The following RPS6KA2 variants were observed in gnomAD, a reference collection of about 807,000 sequenced individuals.
RPS6KA2 encodes ribosomal protein S6 kinase A2.
Under a neutral mutation model 91.8 loss-of-function variants are expected in RPS6KA2, and 42 were observed. The observed-to-expected ratio is 0.46, with a 90% CI of 0.36 to 0.59. The LOEUF (loss-of-function observed/expected upper bound fraction) is 0.59. Ranked by LOEUF, RPS6KA2 falls within the 20% of genes least tolerant of loss-of-function variation. RPS6KA2 has a pLI of 0.00. For missense variants in RPS6KA2, 798 were observed against 978.5 expected, an observed-to-expected ratio of 0.82 and a Z score of 2.46; for synonymous variants, 414 against 393.6, an observed-to-expected ratio of 1.05 and a Z score of -0.61.
chr6:166,455,720 A>C (rs2235291), intron 12 of RPS6KA2, among the ~76,000 whole-genome samples: 4 of 152,088 alleles, frequency 2.6e-5, no homozygotes, highest in African/African-American at 4.8e-5. Context: ...CCGCTCGAGG[A>C]GGAGGCGCTC....
At chr6:166,463,291 T>G (rs1222014533) in intron 11 of RPS6KA2, 1 of 152,186 alleles carries the variant, frequency 6.6e-6, no homozygotes, top group African/African-American at 2.4e-5. Context: ...CAGGGTTGTG[T>G]TGAGAGTGAA....
At chr6:166,601,482 G>T (rs1340404863) in intron 1 of RPS6KA2, among the ~76,000 whole-genome samples, 1 of 152,214 alleles carries the variant, frequency 6.6e-6, no homozygotes, top group South Asian at 2.1e-4. Flanking sequence ...ATAAGATAAA[G>T]GTAGGAGAGA....
intron 2 of RPS6KA2, among the ~76,000 whole-genome samples, chr6:166,671,135 T>A (rs886359270): frequency 6.6e-6 from 1 of 152,232 alleles, no homozygotes; most frequent in African/African-American, 2.4e-5. Flanking sequence ...TTAAATGCAA[T>A]GTTCCTTTTG....
chr6:166,679,538 G>A (rs1296242194), intron 2 of RPS6KA2, among the ~76,000 whole-genome samples: 3 of 152,146 alleles, frequency 2.0e-5, no homozygotes, highest in East Asian at 1.9e-4. Context: ...TGAGATGAAG[G>A]ATAATGTGTA....
At chr6:166,506,917 C>T (rs1782247985) in intron 5 of RPS6KA2, among the ~76,000 whole-genome samples, 1 of 152,168 alleles carries the variant, frequency 6.6e-6, no homozygotes, top group Non-Finnish European at 1.5e-5. Context: ...TGGGCAGAAT[C>T]TGCCTTTTGC....
intron 1 of RPS6KA2, among the ~76,000 whole-genome samples, chr6:166,568,074 A>G (rs766537292): frequency 4.6e-5 from 7 of 152,182 alleles, no homozygotes; most frequent in Admixed American, 1.3e-4. Flanking sequence ...GCCCTTGGAC[A>G]TCCTGCTCTC....
intron 2 of RPS6KA2, among the ~76,000 whole-genome samples, chr6:166,697,963 C>T (rs1789403356): frequency 6.6e-6 from 1 of 152,126 alleles, no homozygotes; most frequent in Non-Finnish European, 1.5e-5. Flanking sequence ...GAAATACAGA[C>T]TGGCAGTAGA....
intron 3 of RPS6KA2, among the ~76,000 whole-genome samples, chr6:166,520,485 G>A (rs923389374): frequency 6.6e-6 from 1 of 152,194 alleles, no homozygotes; most frequent in Non-Finnish European, 1.5e-5. Context: ...ACCCATGTGA[G>A]CTGATTCCTG....
intron 1 of RPS6KA2, among the ~76,000 whole-genome samples, chr6:166,564,720 A>G (rs751314323): frequency 1.3e-5 from 2 of 152,216 alleles, no homozygotes; most frequent in Admixed American, 6.5e-5. Context: ...CAAATAACGC[A>G]GTCTAGAAAA....
Position 166,852,113 on chromosome 6 carries a change from A to G in RPS6KA2, c.123+6087T>C, listed in dbSNP as rs1359027024. 1.3e-5 allele frequency among the ~76,000 whole-genome samples: 2 copies of G among 152,176 alleles called. No individual in the cohort carries two copies. The highest frequency in any genetic ancestry group is 4.8e-5 in the African/African-American group (2 of 41,450). ...CCGCTTTCCAGGAGGCATGATGCTT[A>G]CCCTACCCTTTTCTAGCATTTCTGC... is the stretch of plus-strand genomic sequence containing the variant. On this transcript the variant is annotated intron_variant, in intron 2 of 21. Transcript: ENST00000503859. The surrounding 1 kb of genome is among the most constrained non-coding windows in gnomAD (Gnocchi z 4.1).
At chr6:166,442,810 A>G (rs1779560917) in intron 14 of RPS6KA2, among the ~76,000 whole-genome samples, 1 of 152,188 alleles carries the variant, frequency 6.6e-6, no homozygotes, top group Non-Finnish European at 1.5e-5. Flanking sequence ...CTCTCAAGGT[A>G]TGTGTATTAA....
rs559432855 is a variant in RPS6KA2, at chr6:166,627,206, G to A, written c.-187C>T. The stretch of plus-strand genomic sequence containing the variant: ...AGGCCGCGCCGGCCACCGCGGCCGG[G>A]GCCACAATCGCTCCCTCCGCCTCCT... On this transcript the variant is annotated 5_prime_UTR_variant, in exon 1 of 21. Transcript: ENST00000265678. 42 of 1,037,604 alleles carry A rather than the reference G, an allele frequency of 4.0e-5. No homozygotes were observed. The highest frequency in any genetic ancestry group is 1.4e-4 in the African/African-American group (8 of 58,406). 64.3% of individuals were successfully genotyped at this position (1,037,604 alleles called of 1,614,324 possible).
chr6:166,722,088 T>C (rs1419794621), intron 2 of RPS6KA2, among the ~76,000 whole-genome samples: 1 of 151,904 alleles, frequency 6.6e-6, no homozygotes, highest in Non-Finnish European at 1.5e-5. Context: ...TATAATACAA[T>C]CAGAAAAATT....
At chr6:166,777,201 A>C (rs980017932) in intron 2 of RPS6KA2, among the ~76,000 whole-genome samples, 1 of 152,236 alleles carries the variant, frequency 6.6e-6, no homozygotes, top group Non-Finnish European at 1.5e-5. Context: ...GACGGGAGAC[A>C]TCGAACTTGT....
rs776649199 is a variant in RPS6KA2 at position 166,770,910 on chromosome 6, T to C, written c.123+87290A>G. On this transcript the variant is annotated intron_variant, in intron 2 of 21. Transcript: ENST00000503859. The surrounding 1 kb of genome is among the most constrained non-coding windows in gnomAD (Gnocchi z 5.1). ...GTCTTGCAGGCAGCTGAGTCACTTT[T>C]GCCCTGTGAAAATGGAAACGAAGAA... 10 of 1,596,674 alleles carry C rather than the reference T, an allele frequency of 6.3e-6. No homozygotes were observed. The highest frequency in any genetic ancestry group is 2.5e-6 in the Non-Finnish European group (3 of 1,179,464).
At chr6:166,608,028 AAGAG>A (rs1554235245) in intron 1 of RPS6KA2, among the ~76,000 whole-genome samples, 3 of 150,648 alleles carry the variant, frequency 2.0e-5, no homozygotes, top group African/African-American at 7.3e-5. Flanking sequence ...AAAAAAAAAA[AAGAG>A]AGAGAGAGAC....
intron 6 of RPS6KA2, among the ~76,000 whole-genome samples, chr6:166,502,710 A>G (rs1782067599): frequency 6.6e-6 from 1 of 152,200 alleles, no homozygotes; most frequent in African/African-American, 2.4e-5. Context: ...CAGGCTCTGC[A>G]ATCACCTCCC....
chr6:166,623,082 C>A lies in RPS6KA2; in HGVS notation c.99+3839G>T, dbSNP rs1203936262. 2.0e-5 allele frequency among the ~76,000 whole-genome samples: 3 copies of A among 152,272 alleles called. No individual in the cohort carries two copies. The East Asian group carries it at 5.8e-4, about 29-fold the overall frequency. On this transcript the variant is annotated intron_variant, in intron 1 of 20. Coordinates refer to ENST00000265678, the MANE Select transcript of RPS6KA2 (RefSeq NM_021135.6). The stretch of plus-strand genomic sequence containing the variant: ...GTAGAGTCTCGCATTTTGTCTTCCT[C>A]ATTCACTCCCTACTGTCTTTCAGGA...
intron 2 of RPS6KA2, among the ~76,000 whole-genome samples, chr6:166,753,866 T>C (rs1025056930): frequency 6.6e-6 from 1 of 152,212 alleles, no homozygotes; most frequent in Non-Finnish European, 1.5e-5. Flanking sequence ...TACAAGAAGA[T>C]GCCCACTTTC....
Sources: allele counts gnomAD v4.1 joint callset (sites outside exome capture counted in the v4.1 genomes callset), GRCh38; gene constraint gnomAD v4.1.1; non-coding constraint Gnocchi (gnomAD v3.1); transcripts MANE v1.5; gene names NCBI Gene and HGNC (gene_info 2026-07-23, HGNC 2026-07-21).